The following BCL7A variants were observed in gnomAD, a reference collection of about 807,000 sequenced individuals.
BCL7A encodes BAF chromatin remodeling complex subunit BCL7A, also known as B-cell CLL/lymphoma 7 protein family member A.
In BCL7A, 11 loss-of-function variants were observed where a neutral mutation model predicts 28.4. The ratio of observed to expected loss-of-function variants is 0.39; its 90% CI spans 0.24 to 0.64. BCL7A has a LOEUF of 0.64. Among genes scored for constraint, BCL7A ranks in the 30% least tolerant of loss-of-function variants. The pLI is 0.50. For missense variants in BCL7A, 222 were observed against 274.8 expected (o/e 0.81, Z 1.36); for synonymous variants, 123 against 103.3 (o/e 1.19, Z -1.15).
intron 1 of BCL7A, among the ~76,000 whole-genome samples, chr12:122,023,819 C>G (rs550304170): frequency 5.3e-5 from 8 of 152,290 alleles, no homozygotes; most frequent in Admixed American, 5.2e-4. Flanking sequence ...GCGGGAAGCC[C>G]GGAGTTGCTC....
Position 122,022,003 on chromosome 12 carries a change from A to T in BCL7A, c.-89A>T. ...GCGAGTGTCTGTGCGCGAGTGAGTG[A>T]GCGGCGGGCGGGCGCGAGTGTGGCC... On this transcript the variant is annotated 5_prime_UTR_variant, in exon 1 of 6. Transcript: ENST00000261822. 9.1e-7 allele frequency: 1 copy of T among 1,103,616 alleles called. No homozygotes were observed. Among genetic ancestry groups the T allele is most frequent in the Non-Finnish European group, 1.3e-6 (1 of 770,734 alleles). The allele number at this position is 1,103,616 out of a possible 1,614,324, so 68.4% of individuals were successfully genotyped here.
rs1951905769 is a variant in BCL7A, at chr12:122,059,802, C to G, written c.*639C>G. ...GGGGACCTTAGGCACGCCCCAAGCA[C>G]CAGGCACCAGGGCCCAAGGACGCGC... is the stretch of plus-strand genomic sequence containing the variant. On this transcript the variant is annotated 3_prime_UTR_variant, in exon 6 of 6. Coordinates refer to ENST00000261822, the MANE Select transcript of BCL7A (RefSeq NM_001024808.3). The surrounding 1 kb of genome is among the most constrained non-coding windows in gnomAD (Gnocchi z 4.0). 8 of 231,958 alleles carry G rather than the reference C, an allele frequency of 3.4e-5. No homozygotes were observed. The highest frequency in any genetic ancestry group is 6.0e-5 in the Non-Finnish European group (7 of 117,330). 14.4% of individuals were successfully genotyped at this position (231,958 alleles called of 1,614,324 possible). A position where few individuals can be genotyped will look rare whatever the true frequency, so the allele number is the denominator to read the frequency against.
At chr12:122,056,290 T>C (rs1951877967) in intron 5 of BCL7A, among the ~76,000 whole-genome samples, 1 of 151,934 alleles carries the variant, frequency 6.6e-6, no homozygotes, top group Admixed American at 6.6e-5. Flanking sequence ...CCTGAGAGTA[T>C]CCAATGCTCC....
At chr12:122,024,361 T>C (rs772156773) in intron 1 of BCL7A, among the ~76,000 whole-genome samples, 1 of 152,254 alleles carries the variant, frequency 6.6e-6, no homozygotes, top group Admixed American at 6.5e-5. Flanking sequence ...ATTGAGGTCA[T>C]GCCTCCGAGA....
rs927024284 is a variant in BCL7A at position 122,059,417 on chromosome 12, G to A, written c.*254G>A. On this transcript the variant is annotated 3_prime_UTR_variant, in exon 6 of 6. Transcript: ENST00000261822. This position sits in a 1 kb window ranked among gnomAD's most constrained non-coding sequence, Gnocchi z 4.0. ...CAGGCGGGGCTGACAGCTCAGGAGT[G>A]TCTGCACACTGTCTCGGAAGCCAGG... is the stretch of plus-strand genomic sequence containing the variant. 4.9e-6 allele frequency: 2 copies of A among 408,072 alleles called. No individual in the cohort carries two copies. The highest frequency in any genetic ancestry group is 9.0e-6 in the Non-Finnish European group (2 of 222,854). 25.3% of individuals were successfully genotyped at this position (408,072 alleles called of 1,614,324 possible). A position where few individuals can be genotyped will look rare whatever the true frequency, so the allele number is the denominator to read the frequency against.
chr12:122,058,325 T>C (rs541548492), intron 5 of BCL7A, among the ~76,000 whole-genome samples: 125 of 151,948 alleles, frequency 8.2e-4, no homozygotes, highest in African/African-American at 2.9e-3. Context: ...GCCAACATGG[T>C]GAAACATGGA....
rs1472883237 is a variant in BCL7A at position 122,044,339 on chromosome 12, T to C, written c.439+286T>C. On this transcript the variant is annotated intron_variant, in intron 4 of 5. Transcript: ENST00000261822. ...GCCTGGGCAACATAGCAAGACCTCA[T>C]CTCTACCAAAAAAAAAAAAATAGCC... The C allele has an allele frequency of 6.7e-5, 20 of 299,920 alleles. No individual in the cohort carries two copies. The East Asian group carries it at 1.3e-3, about 20-fold the overall frequency. The allele number at this position is 299,920 out of a possible 1,614,324, so 18.6% of individuals were successfully genotyped here. A position where few individuals can be genotyped will look rare whatever the true frequency, so the allele number is the denominator to read the frequency against.
At chr12:122,026,133 G>A (rs536193585) in intron 1 of BCL7A, among the ~76,000 whole-genome samples, 1 of 151,682 alleles carries the variant, frequency 6.6e-6, no homozygotes, top group African/African-American at 2.4e-5. Flanking sequence ...CGGGAGTGGT[G>A]GCAGGCGCCT....
chr12:122,051,519 C>T (rs977049254), intron 4 of BCL7A, among the ~76,000 whole-genome samples: 5 of 152,204 alleles, frequency 3.3e-5, no homozygotes, highest in Non-Finnish European at 5.9e-5. Flanking sequence ...CCCAGAGAAT[C>T]GGCTGCTGCC....
Position 122,059,041 on chromosome 12 carries a change from C to G in BCL7A, c.562-51C>G. 3 of 1,506,246 alleles carry G rather than the reference C, an allele frequency of 2.0e-6. No individual in the cohort carries two copies. Among genetic ancestry groups the G allele is most frequent in the African/African-American group, 1.4e-5 (1 of 73,000 alleles). The allele number at this position is 1,506,246 out of a possible 1,614,324, so 93.3% of individuals were successfully genotyped here. On this transcript the variant is annotated intron_variant, in intron 5 of 5. Transcript: ENST00000261822. The surrounding 1 kb of genome is among the most constrained non-coding windows in gnomAD (Gnocchi z 4.0). Reference sequence around the variant, plus strand: ...ACCTTCGGCCTCACGCCTGGCCTAACTTGCTCTCCTGGCCCATTAACCTGT... The same window carrying G: ...ACCTTCGGCCTCACGCCTGGCCTAAGTTGCTCTCCTGGCCCATTAACCTGT...
intron 1 of BCL7A, among the ~76,000 whole-genome samples, chr12:122,024,914 T>C (rs534864364): frequency 6.6e-6 from 1 of 152,170 alleles, no homozygotes; most frequent in African/African-American, 2.4e-5. Flanking sequence ...TCCTCAGCCC[T>C]AGTGACCCCT....
intron 3 of BCL7A, among the ~76,000 whole-genome samples, chr12:122,042,286 G>A (rs541104730): frequency 5.9e-5 from 9 of 152,172 alleles, no homozygotes; most frequent in East Asian, 5.8e-4. Context: ...TCATGAACAC[G>A]GTGCCACATT....
chr12:122,027,895 TG>T (rs1206888438), intron 1 of BCL7A, among the ~76,000 whole-genome samples: 1 of 152,108 alleles, frequency 6.6e-6, no homozygotes, highest in Non-Finnish European at 1.5e-5. Flanking sequence ...ATACCCTCAT[TG>T]GGGAAGAGGA....
intron 3 of BCL7A, among the ~76,000 whole-genome samples, chr12:122,040,167 A>T (rs1883938238): frequency 6.6e-6 from 1 of 152,204 alleles, no homozygotes; most frequent in Non-Finnish European, 1.5e-5. Context: ...GTGAAGTAAC[A>T]TGCATGGTTA....
chr12:122,050,302 G>C (rs902231956), intron 4 of BCL7A, among the ~76,000 whole-genome samples: 9 of 122,954 alleles, frequency 7.3e-5, no homozygotes, highest in African/African-American at 2.4e-4. Flanking sequence ...TTATTGTGGG[G>C]GGGGGGCCAT....
intron 5 of BCL7A, among the ~76,000 whole-genome samples, chr12:122,058,781 G>A (rs928942440): frequency 6.6e-6 from 1 of 152,170 alleles, no homozygotes; most frequent in Non-Finnish European, 1.5e-5. Flanking sequence ...GAATGAGTGG[G>A]GAGAGCCTAG....
intron 5 of BCL7A, 113 bp from the exon 6 acceptor site, chr12:122,058,979 C>T: frequency 1.1e-6 from 1 of 885,768 alleles, no homozygotes. Context: ...CTGGTCTGAA[C>T]CACAAAGCCG....
chr12:122,053,198 G>GT (rs1220655909), intron 4 of BCL7A, among the ~76,000 whole-genome samples: 4 of 152,218 alleles, frequency 2.6e-5, no homozygotes, highest in African/African-American at 9.6e-5. Flanking sequence ...GTTTCACCAT[G>GT]TTGGCCAGGC....
chr12:122,045,873 G>C lies in BCL7A; in HGVS notation c.439+1820G>C, dbSNP rs189622132. ...GGAGGCTGAGGCAGGAGGATCTTTTGAGCCCAGGAGTTCAAGACCACCCTA... is the reference window on the plus strand; with the variant it reads ...GGAGGCTGAGGCAGGAGGATCTTTTCAGCCCAGGAGTTCAAGACCACCCTA... On this transcript the variant is annotated intron_variant, in intron 4 of 5. Transcript: ENST00000261822. 7.2e-5 allele frequency among the ~76,000 whole-genome samples: 11 copies of C among 151,824 alleles called. 1 individual carries two copies. The highest frequency in any genetic ancestry group is 6.6e-4 in the Admixed American group (10 of 15,206).
Sources: gnomAD v4.1 joint callset for allele counts (sites outside exome capture counted in the v4.1 genomes callset) on GRCh38, gnomAD v4.1.1 for gene constraint, Gnocchi (gnomAD v3.1) non-coding constraint, MANE v1.5 for transcripts, NCBI Gene and HGNC (gene_info 2026-07-23, HGNC 2026-07-21) for gene names.